The following SMOC2 variants were observed in gnomAD, a reference collection of about 807,000 sequenced individuals.
SMOC2 encodes the protein SPARC related modular calcium binding 2, also known as SPARC-related modular calcium-binding protein 2.
SMOC2 carries 39 observed loss-of-function variants against 61.4 expected under a neutral mutation model. That is an observed-to-expected ratio of 0.64 (90% CI 0.49 to 0.83). The LOEUF is 0.83. Among genes scored for constraint, SMOC2 ranks in the 40% least tolerant of loss-of-function variants. The pLI is 0.00. For missense variants in SMOC2, 556 were observed against 592.9 expected (o/e 0.94, Z 0.65); for synonymous variants, 247 against 239.9 (o/e 1.03, Z -0.27).
intron 7 of SMOC2, among the ~76,000 whole-genome samples, chr6:168,555,579 C>T (rs1784228101): frequency 6.6e-6 from 1 of 152,202 alleles, no homozygotes; most frequent in South Asian, 2.1e-4. Flanking sequence ...GCGTCCACGG[C>T]CGCATGTTAC....
intron 3 of SMOC2, among the ~76,000 whole-genome samples, 155 bp from the exon 4 acceptor site, chr6:168,527,473 T>C (rs2115076130): frequency 6.6e-6 from 1 of 152,342 alleles, no homozygotes; most frequent in Admixed American, 6.5e-5. Flanking sequence ...CTGCACACTT[T>C]CTTTACCGAG....
chr6:168,613,715 G>A (rs1583160633), intron 9 of SMOC2, among the ~76,000 whole-genome samples: 2 of 135,782 alleles, frequency 1.5e-5, no homozygotes, highest in Middle Eastern at 4.2e-3. Flanking sequence ...CCAGCACAGG[G>A]CCTCTTCACA....
chr6:168,599,069 G>T, intron 8 of SMOC2, 65 bp downstream of exon 8: 13 of 1,444,350 alleles, frequency 9.0e-6, no homozygotes, highest in Non-Finnish European at 1.2e-5. Context: ...AGCCAGGAAA[G>T]CAGAACCCCC....
chr6:168,567,972 C>CT (rs1784580343), intron 7 of SMOC2, among the ~76,000 whole-genome samples: 5 of 136,370 alleles, frequency 3.7e-5, no homozygotes, highest in Admixed American at 7.4e-5. Context: ...GATGAGCAGA[C>CT]ACAGGCGAAG....
intron 1 of SMOC2, among the ~76,000 whole-genome samples, chr6:168,449,175 C>A (rs994426115): frequency 6.6e-6 from 1 of 152,178 alleles, no homozygotes; most frequent in African/African-American, 2.4e-5. Context: ...ATTGATCCGT[C>A]TTCACATGAA....
chr6:168,546,487 T>G lies in SMOC2; in HGVS notation c.512-632T>G, dbSNP rs1164046167. Reference sequence around the variant, plus strand: ...TTGGAAAATGCGAGTCTATGGGTGGTGTAGGGGCCTGTGACACCCCAGTCC... The same window carrying G: ...TTGGAAAATGCGAGTCTATGGGTGGGGTAGGGGCCTGTGACACCCCAGTCC... On this transcript the variant is annotated intron_variant, in intron 5 of 12. Coordinates refer to ENST00000356284, the MANE Select transcript of SMOC2 (RefSeq NM_001166412.2). Among the ~76,000 whole-genome samples the G allele has an allele frequency of 2.0e-5, 3 of 152,148 alleles. No individual in the cohort carries two copies. In the East Asian group the frequency reaches 5.8e-4, roughly 29 times the overall value.
rs73041929 is a variant in SMOC2, at chr6:168,525,839, C to T, written c.257-507C>T. 6.7e-3 allele frequency among the ~76,000 whole-genome samples: 1,022 copies of T among 152,252 alleles called. 7 individuals are homozygous for T. Among genetic ancestry groups the T allele is most frequent in the Middle Eastern group, 0.017 (5 of 294 alleles). On this transcript the variant is annotated intron_variant, in intron 2 of 12. Transcript: ENST00000356284. Reference sequence around the variant, plus strand: ...CTGCAGCTGTGGTTGGAAGTCCCACCGCGTGCGTCCTGAGACCCCCGCCCC... The same window carrying T: ...CTGCAGCTGTGGTTGGAAGTCCCACTGCGTGCGTCCTGAGACCCCCGCCCC...
At chr6:168,617,640 C>A in intron 9 of SMOC2, among the ~76,000 whole-genome samples, 1 of 152,282 alleles carries the variant, frequency 6.6e-6, no homozygotes, top group Middle Eastern at 3.4e-3. Flanking sequence ...TTCCTCCAGG[C>A]GAGTTTCCAA....
chr6:168,591,642 ATAAG>A lies in SMOC2; in HGVS notation c.638-7172_638-7169del, dbSNP rs1176567921. 3.4e-5 allele frequency among the ~76,000 whole-genome samples: 5 copies of A among 148,994 alleles called. No individual in the cohort carries two copies. The East Asian group carries it at 9.7e-4, about 29-fold the overall frequency. ...TATAATATATAATTAATATAATACT[ATAAG>A]TAATATAATACATATTATATATGTA... is the stretch of plus-strand genomic sequence containing the variant. On this transcript the variant is annotated intron_variant, in intron 7 of 12. Coordinates refer to ENST00000356284, the MANE Select transcript of SMOC2 (RefSeq NM_001166412.2).
At chr6:168,490,046 T>A (rs1384287778) in intron 1 of SMOC2, among the ~76,000 whole-genome samples, 1 of 152,050 alleles carries the variant, frequency 6.6e-6, no homozygotes, top group Non-Finnish European at 1.5e-5. Flanking sequence ...TGTCGAATCA[T>A]CTGGTTCCCC....
intron 9 of SMOC2, among the ~76,000 whole-genome samples, chr6:168,637,478 T>C (rs1274232063): frequency 1.3e-5 from 2 of 152,214 alleles, no homozygotes; most frequent in East Asian, 3.9e-4. Flanking sequence ...ACTCCTTGCG[T>C]CTTCTTACCC....
intron 9 of SMOC2, among the ~76,000 whole-genome samples, chr6:168,624,116 A>G (rs978626650): frequency 1.3e-5 from 2 of 152,218 alleles, no homozygotes; most frequent in Non-Finnish European, 2.9e-5. Context: ...CACCACCACA[A>G]CATTCAAAAT....
chr6:168,547,357 C>A (rs62422460), intron 6 of SMOC2, among the ~76,000 whole-genome samples, 188 bp downstream of exon 6: 11,106 of 150,632 alleles, frequency 0.074, 502 homozygotes, highest in South Asian at 0.17. Context: ...AACAAACAAA[C>A]AAAACTCCAA....
intron 7 of SMOC2, among the ~76,000 whole-genome samples, chr6:168,570,894 A>T (rs192454719): frequency 6.6e-6 from 1 of 152,298 alleles, no homozygotes; most frequent in Non-Finnish European, 1.5e-5. Flanking sequence ...TGTATTTTTT[A>T]AACGTCTTGT....
In SMOC2 at chr6:168,615,137, A is replaced by G. The variant is rs796282478; in HGVS notation, c.907+6898A>G. Among the ~76,000 whole-genome samples the G allele has an allele frequency of 2.0e-3, 28 of 13,944 alleles. 8 individuals carry two copies. In the East Asian group the frequency reaches 0.021, roughly 10 times the overall value. The allele number at this position is 13,944 out of a possible 152,430, so 9.1% of individuals were successfully genotyped here. ...AGGGGGCCTCTTTACATCTACAGCCAGCACAGGGGGCCTCTTCACACCTAC... is the reference window on the plus strand; with the variant it reads ...AGGGGGCCTCTTTACATCTACAGCCGGCACAGGGGGCCTCTTCACACCTAC... On this transcript the variant is annotated intron_variant, in intron 9 of 12. Transcript: ENST00000356284.
chr6:168,444,699 G>A (rs904134076), intron 1 of SMOC2, among the ~76,000 whole-genome samples: 1 of 152,186 alleles, frequency 6.6e-6, no homozygotes, highest in Non-Finnish European at 1.5e-5. Context: ...TTCTGTGAAT[G>A]ACTGAGATGA....
chr6:168,585,469 T>G (rs1475232755), intron 7 of SMOC2, among the ~76,000 whole-genome samples: 1 of 152,256 alleles, frequency 6.6e-6, no homozygotes, highest in Admixed American at 6.5e-5. Context: ...AATGGATATT[T>G]TGTTTTTCTC....
chr6:168,508,734 C>G (rs527487988), intron 1 of SMOC2, among the ~76,000 whole-genome samples: 1 of 152,350 alleles, frequency 6.6e-6, no homozygotes, highest in African/African-American at 2.4e-5. Context: ...GACCAGTGCT[C>G]TCTTTATCTC....
At chr6:168,660,316 G>A (rs571348093) in intron 11 of SMOC2, among the ~76,000 whole-genome samples, 7 of 152,282 alleles carry the variant, frequency 4.6e-5, no homozygotes, top group African/African-American at 1.7e-4. Context: ...CGCATATCCT[G>A]ATTTCAAAAG....
Sources: gnomAD v4.1 joint callset for allele counts (sites outside exome capture counted in the v4.1 genomes callset) on GRCh38, gnomAD v4.1.1 for gene constraint, MANE v1.5 for transcripts, NCBI Gene and HGNC (gene_info 2026-07-23, HGNC 2026-07-21) for gene names.